Variants in RHOBTB2 observed in about 807,000 individuals in gnomAD.
RHOBTB2 encodes the protein rho-related BTB domain-containing protein 2.
RHOBTB2 carries 39 observed loss-of-function variants against 66.5 expected under a neutral mutation model. The observed-to-expected ratio is 0.59, with a 90% CI of 0.45 to 0.77. The LOEUF (loss-of-function observed/expected upper bound fraction) is 0.77. Among genes scored for constraint, RHOBTB2 ranks in the 30% least tolerant of loss-of-function variants. The pLI is 0.00. For synonymous variants in RHOBTB2, 390 were observed against 395.0 expected, an observed-to-expected ratio of 0.99 and a Z score of 0.15; for missense variants, 755 against 999.1, an observed-to-expected ratio of 0.76 and a Z score of 3.29.
chr8:22,965,832 C>T, the RHOBTB2 span, among the ~76,000 whole-genome samples: 2 of 152,062 alleles, frequency 1.3e-5, no homozygotes, highest in Admixed American at 6.6e-5. Context: ...TAGAAGAAAA[C>T]ATAGAGGCAA....
the RHOBTB2 span, among the ~76,000 whole-genome samples, chr8:22,972,541 T>C: frequency 6.6e-6 from 1 of 152,156 alleles, no homozygotes; most frequent in South Asian, 2.1e-4. Context: ...TCTCACCCAC[T>C]TCCACACCAC....
chr8:22,983,953 C>T (rs2128793933), upstream of RHOBTB2, among the ~76,000 whole-genome samples: 1 of 152,274 alleles, frequency 6.6e-6, no homozygotes, highest in Non-Finnish European at 1.5e-5. Context: ...CCAAGATGGT[C>T]TCGATCTCTT....
chr8:22,980,531 T>C, the RHOBTB2 span, among the ~76,000 whole-genome samples: 4 of 152,204 alleles, frequency 2.6e-5, no homozygotes, highest in African/African-American at 4.8e-5. Context: ...CATTAGAATA[T>C]TTATGAAGAT....
Position 23,004,593 on chromosome 8 carries a change from A to G in RHOBTB2, c.159A>G (p.Val53=), listed in dbSNP as rs779450274. 7 of 1,613,956 alleles carry G rather than the reference A, an allele frequency of 4.3e-6. No homozygotes were observed. The highest frequency in any genetic ancestry group is 5.9e-6 in the Non-Finnish European group (7 of 1,179,982). The change falls in exon 2 of 10, where the codon GTA becomes GTG. Residue 53 remains valine (V), a synonymous_variant. Coordinates refer to ENST00000251822, the MANE Select transcript of RHOBTB2 (RefSeq NM_015178.3). The surrounding 1 kb of genome is among the most constrained non-coding windows in gnomAD (Gnocchi z 6.4). ...YQLLATHVPT[V]WAIDQYRVCQ... ...TGCTGGCCACGCATGTGCCCACAGT[A>G]TGGGCCATCGACCAATATCGTGTGT...
At position 22,999,784 on chromosome 8, in the gene RHOBTB2, G is replaced by A; in HGVS notation, c.-332G>A. 1 of 985,020 alleles carries A rather than the reference G, an allele frequency of 1.0e-6. No individual in the cohort carries two copies. The highest frequency in any genetic ancestry group is 1.2e-6 in the Non-Finnish European group (1 of 831,228). The allele number at this position is 985,020 out of a possible 1,614,324, so 61.0% of individuals were successfully genotyped here. On this transcript the variant is annotated 5_prime_UTR_variant, in exon 1 of 10. Transcript: ENST00000251822. The stretch of plus-strand genomic sequence containing the variant: ...CTCCCGGCGCCCCTGCGCGCCGCCC[G>A]CTGCCTCCGCAGCCCGGCTCCGCGC...
intron 1 of RHOBTB2, among the ~76,000 whole-genome samples, chr8:23,000,736 A>C (rs1810750434): frequency 6.6e-6 from 1 of 152,128 alleles, no homozygotes; most frequent in South Asian, 2.1e-4. Context: ...CCGAATTAGG[A>C]GTCCACTCTC....
chr8:23,020,103 T>G lies in RHOBTB2; in HGVS notation c.*2634T>G. 2 of 358,472 alleles carry G rather than the reference T, an allele frequency of 5.6e-6. No homozygotes were observed. Among genetic ancestry groups the G allele is most frequent in the Admixed American group, 3.3e-5 (1 of 30,148 alleles). The allele number at this position is 358,472 out of a possible 1,614,324, so 22.2% of individuals were successfully genotyped here. ...AGCTGATTCACAGGAGGAGGGGAGG[T>G]TGGGGGGCGGGAGACAAAAACCACA... On this transcript the variant is annotated 3_prime_UTR_variant, in exon 10 of 10. Coordinates refer to ENST00000251822, the MANE Select transcript of RHOBTB2 (RefSeq NM_015178.3).
the RHOBTB2 span, among the ~76,000 whole-genome samples, chr8:22,958,692 A>G: frequency 4.9e-5 from 7 of 143,190 alleles, no homozygotes; most frequent in African/African-American, 1.8e-4. Context: ...TTCCGGCTAC[A>G]TGGGAGGCTG....
upstream of RHOBTB2, among the ~76,000 whole-genome samples, chr8:22,997,658 T>C (rs1236586626): frequency 6.6e-6 from 1 of 152,174 alleles, no homozygotes; most frequent in Non-Finnish European, 1.5e-5. Context: ...TTCATGACTT[T>C]GGGTGGACGG....
intron 7 of RHOBTB2, among the ~76,000 whole-genome samples, chr8:23,011,552 C>T (rs1334138086): frequency 6.6e-6 from 1 of 152,144 alleles, no homozygotes; most frequent in Non-Finnish European, 1.5e-5. Context: ...GGACAAATCC[C>T]AGGGGCTCTC....
At position 22,999,603 on chromosome 8, in the gene RHOBTB2, C is replaced by T. The variant is rs1810697051; in HGVS notation, c.-513C>T. Reference sequence around the variant, plus strand: ...GATTTTTTTCTCCTCCTTTTTTTACCCTCCCGTTTTTTTCTTTTCTTTTTT... The same window carrying T: ...GATTTTTTTCTCCTCCTTTTTTTACTCTCCCGTTTTTTTCTTTTCTTTTTT... On this transcript the variant is annotated 5_prime_UTR_variant, in exon 1 of 10. Coordinates refer to ENST00000251822, the MANE Select transcript of RHOBTB2 (RefSeq NM_015178.3). 5 of 1,227,852 alleles carry T rather than the reference C, an allele frequency of 4.1e-6. No homozygotes were observed. Among genetic ancestry groups the T allele is most frequent in the Admixed American group, 3.1e-5 (1 of 32,458 alleles). 76.1% of individuals were successfully genotyped at this position (1,227,852 alleles called of 1,614,324 possible). A position where few individuals can be genotyped will look rare whatever the true frequency, so the allele number is the denominator to read the frequency against.
rs1271856684 is a variant in RHOBTB2 at position 23,015,855 on chromosome 8, T to C, written c.1966+112T>C. The C allele has an allele frequency of 3.8e-6, 3 of 787,024 alleles. No homozygotes were observed. In the East Asian group the frequency reaches 8.2e-5, roughly 22 times the overall value. 48.8% of individuals were successfully genotyped at this position (787,024 alleles called of 1,614,324 possible). A position where few individuals can be genotyped will look rare whatever the true frequency, so the allele number is the denominator to read the frequency against. ...TGCCAGTAATCCTTGACCTTGGGGC[T>C]GGGAGCAGCCTGCAAAGGAGCCTCC... On this transcript the variant is annotated intron_variant, in intron 9 of 9. Coordinates refer to ENST00000251822, the MANE Select transcript of RHOBTB2 (RefSeq NM_015178.3).
the RHOBTB2 span, among the ~76,000 whole-genome samples, chr8:22,975,590 C>T: frequency 6.6e-6 from 1 of 152,182 alleles, no homozygotes; most frequent in Non-Finnish European, 1.5e-5. Flanking sequence ...TAGAACTAGG[C>T]TTGGACTAGA....
intron 9 of RHOBTB2, among the ~76,000 whole-genome samples, chr8:23,016,594 T>C (rs1394301987): frequency 1.3e-5 from 2 of 152,060 alleles, no homozygotes; most frequent in Admixed American, 6.6e-5. Flanking sequence ...TGTATTTTAG[T>C]AGAGACGGGG....
rs117115787 is a variant in RHOBTB2, at chr8:23,009,802, T to G, written c.1621-736T>G. On this transcript the variant is annotated intron_variant, in intron 6 of 9. Transcript: ENST00000251822. ...GATTTGGATATACAAAATGTGAGAC[T>G]AGGAGCTCTCACAAGCCCCAGGGGC... 6.1e-3 allele frequency among the ~76,000 whole-genome samples: 925 copies of G among 152,172 alleles called. 22 individuals carry two copies. The highest frequency in any genetic ancestry group is 0.048 in the East Asian group (247 of 5,170).
rs1365215923 is a variant in RHOBTB2, at chr8:22,999,681, G to A, written c.-435G>A. 9.8e-6 allele frequency: 12 copies of A among 1,219,880 alleles called. No homozygotes were observed. The highest frequency in any genetic ancestry group is 1.3e-5 in the Non-Finnish European group (12 of 957,896). The allele number at this position is 1,219,880 out of a possible 1,614,324, so 75.6% of individuals were successfully genotyped here. A position where few individuals can be genotyped will look rare whatever the true frequency, so the allele number is the denominator to read the frequency against. On this transcript the variant is annotated 5_prime_UTR_variant, in exon 1 of 10. Coordinates refer to ENST00000251822, the MANE Select transcript of RHOBTB2 (RefSeq NM_015178.3). ...AAAAAGGAGGTCGCGAGCGGTACCT[G>A]GGACTGCAGCGCCAGGCGTCTTCGC...
intron 6 of RHOBTB2, among the ~76,000 whole-genome samples, chr8:23,009,962 A>G (rs925700578): frequency 6.6e-6 from 1 of 152,220 alleles, no homozygotes; most frequent in African/African-American, 2.4e-5. Context: ...CTGGAGGCCC[A>G]AAGCAGCAGC....
chr8:22,987,729 G>A (rs1810316770), intron 1 of RHOBTB2, among the ~76,000 whole-genome samples: 1 of 152,308 alleles, frequency 6.6e-6, no homozygotes, highest in Middle Eastern at 3.4e-3. Flanking sequence ...AAGGGAGCAC[G>A]AGGGGTGGGG....
chr8:22,952,244 C>A, the RHOBTB2 span, among the ~76,000 whole-genome samples: 1 of 152,056 alleles, frequency 6.6e-6, no homozygotes, highest in Admixed American at 6.6e-5. Context: ...CATTGTACAA[C>A]CTAGTTCTGC....
Sources: allele counts gnomAD v4.1 joint callset (sites outside exome capture counted in the v4.1 genomes callset), GRCh38; gene constraint gnomAD v4.1.1; non-coding constraint Gnocchi (gnomAD v3.1); transcripts MANE v1.5; gene names NCBI Gene and HGNC (gene_info 2026-07-23, HGNC 2026-07-21).